Variants in GOLPH3 observed in about 807,000 individuals in gnomAD.
GOLPH3 encodes coat protein GPP34.
Under a neutral mutation model 28.5 loss-of-function variants are expected in GOLPH3, and 14 were observed. That is an observed-to-expected ratio of 0.49 (90% CI 0.32 to 0.77). The LOEUF is 0.77. Among genes scored for constraint, GOLPH3 ranks in the 30% least tolerant of loss-of-function variants. GOLPH3 has a pLI of 0.03. For missense variants in GOLPH3, 350 were observed against 393.7 expected (o/e 0.89, Z 0.94); for synonymous variants, 158 against 159.2 (o/e 0.99, Z 0.06).
chr5:32,153,736 C>T (rs988110200), intron 1 of GOLPH3, among the ~76,000 whole-genome samples: 42 of 152,174 alleles, frequency 2.8e-4, no homozygotes, highest in African/African-American at 8.4e-4. Flanking sequence ...CCAAAAACCA[C>T]GTAAACAGAT....
At chr5:32,160,883 C>T (rs1411339354) in intron 1 of GOLPH3, among the ~76,000 whole-genome samples, 1 of 151,962 alleles carries the variant, frequency 6.6e-6, no homozygotes, top group Admixed American at 6.6e-5. Flanking sequence ...CTGGCTAACA[C>T]AGTGAAACCC....
intron 3 of GOLPH3, 76 bp downstream of exon 3, chr5:32,135,496 G>T: frequency 1.1e-6 from 1 of 884,808 alleles, no homozygotes; most frequent in Non-Finnish European, 1.9e-6. Context: ...ATTTTGTGTA[G>T]GTTCCTTTCA....
At chr5:32,169,798 G>A (rs1746792282) in intron 1 of GOLPH3, among the ~76,000 whole-genome samples, 1 of 152,102 alleles carries the variant, frequency 6.6e-6, no homozygotes, top group Non-Finnish European at 1.5e-5. Flanking sequence ...TAAACTATCT[G>A]CCATCCTTAC....
At chr5:32,136,018 T>C (rs1053946144) in intron 2 of GOLPH3, among the ~76,000 whole-genome samples, 2 of 151,950 alleles carry the variant, frequency 1.3e-5, no homozygotes, top group Non-Finnish European at 2.9e-5. Flanking sequence ...CTACTAAAAA[T>C]ACAAAAATTA....
intron 1 of GOLPH3, among the ~76,000 whole-genome samples, chr5:32,168,495 C>T (rs1254164204): frequency 6.6e-6 from 1 of 152,140 alleles, no homozygotes; most frequent in African/African-American, 2.4e-5. Flanking sequence ...CAGTTCTTGT[C>T]TACAAGCATT....
At chr5:32,167,241 G>A (rs1179716183) in intron 1 of GOLPH3, among the ~76,000 whole-genome samples, 2 of 152,048 alleles carry the variant, frequency 1.3e-5, no homozygotes, top group Non-Finnish European at 2.9e-5. Flanking sequence ...GCGCAATCTT[G>A]GCTCACTGCA....
chr5:32,167,423 C>T (rs909395999), intron 1 of GOLPH3, among the ~76,000 whole-genome samples: 15 of 152,144 alleles, frequency 9.9e-5, no homozygotes, highest in African/African-American at 3.1e-4. Context: ...CCATCCACCT[C>T]GGCTTCCCAA....
chr5:32,129,873 A>G (rs1745785548), intron 3 of GOLPH3, among the ~76,000 whole-genome samples: 2 of 150,756 alleles, frequency 1.3e-5, no homozygotes. Flanking sequence ...ACGGAGTCTC[A>G]CTCTGTCGCC....
chr5:32,173,547 G>T (rs1046874552), intron 1 of GOLPH3, among the ~76,000 whole-genome samples: 1 of 152,056 alleles, frequency 6.6e-6, no homozygotes, highest in Non-Finnish European at 1.5e-5. Context: ...CCAGGGTGTC[G>T]AAATGAAAGG....
intron 3 of GOLPH3, among the ~76,000 whole-genome samples, chr5:32,131,568 C>A (rs946222184): frequency 3.3e-5 from 5 of 152,164 alleles, no homozygotes; most frequent in Non-Finnish European, 7.3e-5. Context: ...GACGTTACTG[C>A]GATCCATGCT....
intron 1 of GOLPH3, among the ~76,000 whole-genome samples, chr5:32,171,373 T>C (rs1374669674): frequency 6.6e-6 from 1 of 152,184 alleles, no homozygotes; most frequent in East Asian, 1.9e-4. Context: ...TGGGCCACAT[T>C]TGGCCCGCGG....
At position 32,126,367 on chromosome 5, in the gene GOLPH3, C is replaced by T; in HGVS notation, c.742G>A (p.Val248Ile). 2 of 1,614,154 alleles carry T rather than the reference C, an allele frequency of 1.2e-6. No individual in the cohort carries two copies. The highest frequency in any genetic ancestry group is 8.5e-7 in the Non-Finnish European group (1 of 1,180,036). ...ALIYLAHASDVLENAFAPLLD... is the reference protein window; with the variant it reads ...ALIYLAHASDILENAFAPLLD... ...AGAGGAGCAAAAGCATTCTCCAGGA[C>T]GTCCGAGGCATGAGCCAGGTAAATG... Residue 248 changes from valine to isoleucine, a missense_variant, in exon 4 of 4, where the codon GTC becomes ATC. By Grantham distance (29) the Val-to-Ile change is conservative. Transcript: ENST00000265070.
Position 32,157,978 on chromosome 5 carries a change from A to AAAATAAAT in GOLPH3, c.226-14106_226-14099dup, listed in dbSNP as rs199592768. Among the ~76,000 whole-genome samples, 239 of 38,684 alleles carry AAAATAAAT rather than the reference A, an allele frequency of 6.2e-3. 25 individuals are homozygous for AAAATAAAT. The highest frequency in any genetic ancestry group is 0.021 in the Middle Eastern group (2 of 94). The allele number at this position is 38,684 out of a possible 152,430, so 25.4% of individuals were successfully genotyped here. On this transcript the variant is annotated intron_variant, in intron 1 of 3. Transcript: ENST00000265070. Reference sequence around the variant, plus strand: ...GGTAACAAGAGCTAAACTCTGTCTCAAAATAAATAAATAAATAAATAAATA... The same window carrying AAAATAAAT: ...GGTAACAAGAGCTAAACTCTGTCTCAAAATAAATAAATAAATAAATAAATAAATAAATA...
At chr5:32,148,632 C>CT (rs1018977111) in intron 1 of GOLPH3, among the ~76,000 whole-genome samples, 10 of 152,096 alleles carry the variant, frequency 6.6e-5, no homozygotes, top group African/African-American at 2.4e-4. Flanking sequence ...CCCATCTCTA[C>CT]TAAAAATATA....
At chr5:32,130,613 C>T (rs1410441046) in intron 3 of GOLPH3, among the ~76,000 whole-genome samples, 1 of 152,028 alleles carries the variant, frequency 6.6e-6, no homozygotes, top group African/African-American at 2.4e-5. Context: ...TACTGCCAAA[C>T]AACAGAGGGG....
At chr5:32,141,511 C>T (rs1362083070) in intron 2 of GOLPH3, among the ~76,000 whole-genome samples, 1 of 152,176 alleles carries the variant, frequency 6.6e-6, no homozygotes, top group East Asian at 1.9e-4. Context: ...GTAAATTGCA[C>T]AATAACACTT....
chr5:32,164,357 C>T (rs1746657601), intron 1 of GOLPH3, among the ~76,000 whole-genome samples: 1 of 151,972 alleles, frequency 6.6e-6, no homozygotes, highest in African/African-American at 2.4e-5. Flanking sequence ...TTTGTTTGTA[C>T]ACTGTAAGTG....
chr5:32,154,770 G>A (rs1488254597), intron 1 of GOLPH3, among the ~76,000 whole-genome samples: 1 of 152,192 alleles, frequency 6.6e-6, no homozygotes, highest in Non-Finnish European at 1.5e-5. Context: ...CAATGAACAT[G>A]AAAACACATA....
At position 32,174,172 on chromosome 5, in the gene GOLPH3, C is replaced by G. The variant is rs906797404; in HGVS notation, c.-138G>C. On this transcript the variant is annotated 5_prime_UTR_variant, in exon 1 of 4. Coordinates refer to ENST00000265070, the MANE Select transcript of GOLPH3 (RefSeq NM_022130.4). ...GGGCGACGTCCGTCGGCAGCAGGGCCGGGGGCAGTCATGAGGAAACAGGTC... is the reference window on the plus strand; with the variant it reads ...GGGCGACGTCCGTCGGCAGCAGGGCGGGGGGCAGTCATGAGGAAACAGGTC... 4 of 485,390 alleles carry G rather than the reference C, an allele frequency of 8.2e-6. No individual in the cohort carries two copies. Among genetic ancestry groups the G allele is most frequent in the Non-Finnish European group, 1.3e-5 (4 of 309,398 alleles). The allele number at this position is 485,390 out of a possible 1,614,324, so 30.1% of individuals were successfully genotyped here. A position where few individuals can be genotyped will look rare whatever the true frequency, so the allele number is the denominator to read the frequency against.
Sources: gnomAD v4.1 joint callset for allele counts (sites outside exome capture counted in the v4.1 genomes callset) on GRCh38, gnomAD v4.1.1 for gene constraint, MANE v1.5 for transcripts, NCBI Gene and HGNC (gene_info 2026-07-23, HGNC 2026-07-21) for gene names.